The following RPL7L1 variants were observed in gnomAD, a reference collection of about 807,000 sequenced individuals.
RPL7L1 encodes the protein ribosomal protein L7 like 1, also known as ribosomal protein uL30-like.
In RPL7L1, 20 loss-of-function variants were observed where a neutral mutation model predicts 30.3. The observed-to-expected ratio is 0.66, with a 90% CI of 0.46 to 0.96. The LOEUF is 0.96. Among genes scored for constraint, RPL7L1 ranks in the 40% least tolerant of loss-of-function variants. The pLI, the probability that RPL7L1 is intolerant of heterozygous loss-of-function variation, is 0.00. For missense variants in RPL7L1, 271 were observed against 314.9 expected (o/e 0.86, Z 1.05); for synonymous variants, 107 against 110.1 (o/e 0.97, Z 0.18).
Position 42,883,492 on chromosome 6 carries a change from A to G in RPL7L1, c.189A>G (p.Ser63=), listed in dbSNP as rs1439753794. 6.2e-7 allele frequency: 1 copy of G among 1,605,490 alleles called. No individual in the cohort carries two copies. The highest frequency in any genetic ancestry group is 1.3e-5 in the African/African-American group (1 of 74,682). ...GGCTCAGGTTTAAGCGACTGGAATC[A>G]TTCCTACATGATTCCTGGCGGCAGA... The part of the protein sequence containing the change: ...GKGLRFKRLE[S]FLHDSWRQKR... Residue 63 remains serine, a synonymous_variant, in exon 3 of 6, where the codon TCA becomes TCG. Coordinates refer to ENST00000493763, the MANE Select transcript of RPL7L1 (RefSeq NM_001366481.3).
chr6:42,880,998 G>A (rs762023008), intron 2 of RPL7L1, 32 bp downstream of exon 2: 6 of 1,176,862 alleles, frequency 5.1e-6, no homozygotes, highest in Non-Finnish European at 7.6e-6. Context: ...AAAGTAATTA[G>A]AATTTTTATT....
At chr6:42,884,861 G>A in intron 4 of RPL7L1, 111 bp downstream of exon 4, 1 of 1,060,806 alleles carries the variant, frequency 9.4e-7, no homozygotes, top group Non-Finnish European at 1.4e-6. Context: ...ACATTTTGCT[G>A]TGACCACAGT....
chr6:42,885,192 C>CA lies in RPL7L1; in HGVS notation c.449+450dup, dbSNP rs367686588. On this transcript the variant is annotated intron_variant, in intron 4 of 5. Transcript: ENST00000493763. ...TGAAACCCCTGTCTCTACTAAAATA[C>CA]AAAAAAAATTAGCCAGGCATGGTGA... Among the ~76,000 whole-genome samples, 191 of 151,508 alleles carry CA rather than the reference C, an allele frequency of 1.3e-3. 1 individual carries two copies. The highest frequency in any genetic ancestry group is 3.2e-3 in the African/African-American group (134 of 41,330).
chr6:42,881,085 A>G (rs1428392263), intron 2 of RPL7L1, 119 bp downstream of exon 2: 14 of 651,564 alleles, frequency 2.1e-5, no homozygotes, highest in South Asian at 1.1e-4. Context: ...CAGACCAGGT[A>G]TAGTTGTCTC....
At chr6:42,880,009 A>G in intron 1 of RPL7L1, 58 bp downstream of exon 1, 2 of 1,554,054 alleles carry the variant, frequency 1.3e-6, no homozygotes, top group Non-Finnish European at 1.8e-6. Flanking sequence ...GGTGCCATCC[A>G]CGGTGTTTAT....
Position 42,888,066 on chromosome 6 carries a change from A to C in RPL7L1, c.*1602A>C, listed in dbSNP as rs1766340420. On this transcript the variant is annotated 3_prime_UTR_variant, in exon 6 of 6. Transcript: ENST00000493763. ...AAAAGCTCAGGATTTGAGAATGAGG[A>C]CCCCTTCGCCAGGAAAACATGTATA... 1 of 151,332 alleles carries C rather than the reference A, an allele frequency of 6.6e-6. No homozygotes were observed. Among genetic ancestry groups the C allele is most frequent in the African/African-American group, 2.4e-5 (1 of 41,094 alleles). 9.4% of individuals were successfully genotyped at this position (151,332 alleles called of 1,614,324 possible).
In RPL7L1 at chr6:42,879,966, C is replaced by T. The variant is rs762520698; in HGVS notation, c.41+15C>T. On this transcript the variant is annotated intron_variant, in intron 1 of 5. Coordinates refer to ENST00000493763, the MANE Select transcript of RPL7L1 (RefSeq NM_001366481.3). ...GCGGAGCAAGAGTGAGTGTTTGGGG[C>T]TTTGAATATCTGGAGTGGGGTCTTG... is the stretch of plus-strand genomic sequence containing the variant. 1.9e-6 allele frequency: 3 copies of T among 1,613,496 alleles called. No homozygotes were observed. Among genetic ancestry groups the T allele is most frequent in the African/African-American group, 1.3e-5 (1 of 74,892 alleles).
chr6:42,882,953 A>G (rs1165761236), intron 2 of RPL7L1: 1 of 153,096 alleles, frequency 6.5e-6, no homozygotes, highest in Non-Finnish European at 1.5e-5. Flanking sequence ...CCCAGGCTAG[A>G]GTGCAGTGGC....
chr6:42,884,130 T>G (rs1766179824), intron 3 of RPL7L1, among the ~76,000 whole-genome samples: 1 of 152,050 alleles, frequency 6.6e-6, no homozygotes, highest in Non-Finnish European at 1.5e-5. Context: ...GGATTTTGCA[T>G]GTTTATGAGC....
intron 2 of RPL7L1, 94 bp downstream of exon 2, chr6:42,881,060 C>G (rs1766058233): frequency 1.4e-6 from 1 of 723,772 alleles, no homozygotes. Context: ...TGACGAGCTC[C>G]CCCCAACGGT....
chr6:42,883,702 C>T, intron 3 of RPL7L1, 88 bp downstream of exon 3: 4 of 1,095,892 alleles, frequency 3.6e-6, no homozygotes, highest in Non-Finnish European at 3.9e-6. Flanking sequence ...ATAATATGCC[C>T]CAAGCCACTC....
At position 42,887,944 on chromosome 6, in the gene RPL7L1, T is replaced by C. The variant is rs1766335904; in HGVS notation, c.*1480T>C. On this transcript the variant is annotated 3_prime_UTR_variant, in exon 6 of 6. Transcript: ENST00000493763. ...CTGCTGTGAGTATGTGTTCCAACTT[T>C]TCAGTGATGGCTTTGAGAATTCTCA... 6.6e-6 allele frequency: 1 copy of C among 150,400 alleles called. No individual in the cohort carries two copies. Among genetic ancestry groups the C allele is most frequent in the South Asian group, 2.1e-4 (1 of 4,698 alleles). 9.3% of individuals were successfully genotyped at this position (150,400 alleles called of 1,614,324 possible).
Position 42,888,761 on chromosome 6 carries a change from T to G in RPL7L1, c.*2297T>G, listed in dbSNP as rs9462843. 0.19 allele frequency: 29,199 copies of G among 152,090 alleles called. 2,966 individuals are homozygous for G. The highest frequency in any genetic ancestry group is 0.27 in the Middle Eastern group (79 of 292). 9.4% of individuals were successfully genotyped at this position (152,090 alleles called of 1,614,324 possible). ...ATGGATGAAATTAGCACTGTTTGGC[T>G]CGTTAGGCCCCAGGCAGGCAGGCAC... On this transcript the variant is annotated 3_prime_UTR_variant, in exon 6 of 6. Coordinates refer to ENST00000493763, the MANE Select transcript of RPL7L1 (RefSeq NM_001366481.3).
At chr6:42,882,993 C>T (rs534378823) in intron 2 of RPL7L1, 2 of 154,870 alleles carry the variant, frequency 1.3e-5, no homozygotes, top group African/African-American at 4.8e-5. Flanking sequence ...GCCTTGAATT[C>T]CTGGGTTCAA....
At position 42,887,147 on chromosome 6, in the gene RPL7L1, G is replaced by C. The variant is rs1387914090; in HGVS notation, c.*683G>C. Reference sequence around the variant, plus strand: ...TTTGAAATTACTTTTTATTGCTGTTGTCATACTCTTAGGTGCCAAACTGCG... The same window carrying C: ...TTTGAAATTACTTTTTATTGCTGTTCTCATACTCTTAGGTGCCAAACTGCG... On this transcript the variant is annotated 3_prime_UTR_variant, in exon 6 of 6. Coordinates refer to ENST00000493763, the MANE Select transcript of RPL7L1 (RefSeq NM_001366481.3). 6.6e-6 allele frequency: 1 copy of C among 152,126 alleles called. No individual in the cohort carries two copies. Among genetic ancestry groups the C allele is most frequent in the Non-Finnish European group, 1.5e-5 (1 of 68,034 alleles). The allele number at this position is 152,126 out of a possible 1,614,324, so 9.4% of individuals were successfully genotyped here.
At chr6:42,880,001 T>C in intron 1 of RPL7L1, 50 bp downstream of exon 1, 1 of 1,577,218 alleles carries the variant, frequency 6.3e-7, no homozygotes. Flanking sequence ...GAGTATCCGG[T>C]GCCATCCACG....
rs775070465 is a variant in RPL7L1, at chr6:42,879,965, G to A, written c.41+14G>A. Reference sequence around the variant, plus strand: ...GGCGGAGCAAGAGTGAGTGTTTGGGGCTTTGAATATCTGGAGTGGGGTCTT... The same window carrying A: ...GGCGGAGCAAGAGTGAGTGTTTGGGACTTTGAATATCTGGAGTGGGGTCTT... On this transcript the variant is annotated intron_variant, in intron 1 of 5. Coordinates refer to ENST00000493763, the MANE Select transcript of RPL7L1 (RefSeq NM_001366481.3). 5 of 1,613,800 alleles carry A rather than the reference G, an allele frequency of 3.1e-6. No homozygotes were observed. The highest frequency in any genetic ancestry group is 1.7e-5 in the Admixed American group (1 of 60,020).
chr6:42,881,184 G>A, intron 2 of RPL7L1: 1 of 384,558 alleles, frequency 2.6e-6, no homozygotes, highest in Middle Eastern at 3.4e-4. Flanking sequence ...GGTTGTAGTA[G>A]GCCGGGCGCG....
rs143781630 is a variant in RPL7L1 at position 42,886,432 on chromosome 6, C to G, written c.736C>G (p.Arg246Gly). The G allele has an allele frequency of 1.5e-5, 23 of 1,577,648 alleles. No individual in the cohort carries two copies. The highest frequency in any genetic ancestry group is 1.9e-5 in the Non-Finnish European group (22 of 1,162,398). ...EMGTPGYRGE[R>G]INQLIRQLN Reference sequence around the variant, plus strand: ...GGGCACACCTGGCTATCGGGGTGAACGCATCAATCAGCTCATCCGTCAGCT... The same window carrying G: ...GGGCACACCTGGCTATCGGGGTGAAGGCATCAATCAGCTCATCCGTCAGCT... The change falls in exon 6 of 6, where the codon CGC becomes GGC. Residue 246 changes from arginine to glycine, a missense_variant. Physicochemically the swap from Arg to Gly is moderately radical, Grantham distance 125. Transcript: ENST00000493763.
Sources: gnomAD v4.1 joint callset for allele counts (sites outside exome capture counted in the v4.1 genomes callset) on GRCh38, gnomAD v4.1.1 for gene constraint, MANE v1.5 for transcripts, NCBI Gene and HGNC (gene_info 2026-07-23, HGNC 2026-07-21) for gene names.